Variants in STRN observed in about 807,000 individuals in gnomAD.
STRN encodes the protein striatin, also known as protein phosphatase 2 regulatory subunit B'''alpha.
Under a neutral mutation model 96.3 loss-of-function variants are expected in STRN, and 53 were observed. The observed-to-expected ratio is 0.55, with a 90% CI of 0.44 to 0.69. The LOEUF (loss-of-function observed/expected upper bound fraction) is 0.69, where lower values mean the gene tolerates loss of function less well. Ranked by LOEUF, STRN falls within the 30% of genes least tolerant of loss-of-function variation. The probability of loss-of-function intolerance (pLI) is 0.00; values close to 1 mark genes in which losing one functional copy is unlikely to be tolerated. For synonymous variants in STRN, 428 were observed against 355.9 expected (o/e 1.20, Z -2.28); for missense variants, 987 against 963.9 (o/e 1.02, Z -0.32).
intron 1 of STRN, among the ~76,000 whole-genome samples, chr2:36,961,836 C>T (rs1426925173): frequency 6.6e-6 from 1 of 152,174 alleles, no homozygotes; most frequent in East Asian, 1.9e-4. Flanking sequence ...ATGACTTCTT[C>T]CATTCTCTTC....
chr2:36,929,924 A>T (rs1228911939), intron 1 of STRN, among the ~76,000 whole-genome samples: 4 of 152,240 alleles, frequency 2.6e-5, no homozygotes, highest in African/African-American at 9.6e-5. Flanking sequence ...ATTTGAACAC[A>T]AACTTCAAAG....
At chr2:36,928,385 C>T (rs1572681540) in intron 1 of STRN, among the ~76,000 whole-genome samples, 1 of 152,158 alleles carries the variant, frequency 6.6e-6, no homozygotes, top group East Asian at 1.9e-4. Flanking sequence ...GACACAGTGG[C>T]TCACACCTGT....
chr2:36,963,212 A>C (rs942030085), intron 1 of STRN, among the ~76,000 whole-genome samples: 1 of 152,238 alleles, frequency 6.6e-6, no homozygotes, highest in Non-Finnish European at 1.5e-5. Context: ...CAGTAAAGGC[A>C]GGCCAGGCAG....
At position 36,869,541 on chromosome 2, in the gene STRN, A is replaced by G. The variant is rs563189985; in HGVS notation, c.1499+13T>C. The G allele has an allele frequency of 6.6e-7, 1 of 1,505,444 alleles. No homozygotes were observed. The highest frequency in any genetic ancestry group is 1.3e-5 in the South Asian group (1 of 74,976). 93.3% of individuals were successfully genotyped at this position (1,505,444 alleles called of 1,614,324 possible). ...TAAAATATTCAAATAATGTTAAAGTAGAATATTCTCACTTTTTGGCTGGGG... is the reference window on the plus strand; with the variant it reads ...TAAAATATTCAAATAATGTTAAAGTGGAATATTCTCACTTTTTGGCTGGGG... On this transcript the variant is annotated intron_variant, in intron 11 of 17. Transcript: ENST00000263918.
chr2:36,863,754 G>A (rs2540926), intron 12 of STRN, among the ~76,000 whole-genome samples: 56,234 of 152,046 alleles, frequency 0.37, 11,547 homozygotes, highest in Middle Eastern at 0.5. Context: ...TGGGCAGTAC[G>A]GCCATTTTAA....
At chr2:36,908,505 C>T (rs533212893) in intron 3 of STRN, among the ~76,000 whole-genome samples, 539 of 152,252 alleles carry the variant, frequency 3.5e-3, no homozygotes, top group Non-Finnish European at 6.0e-3. Context: ...GGAAAACAGA[C>T]TACTGGTTGC....
chr2:36,907,752 C>A (rs1669862106), intron 3 of STRN, among the ~76,000 whole-genome samples: 1 of 152,054 alleles, frequency 6.6e-6, no homozygotes, highest in African/African-American at 2.4e-5. Context: ...TCCAGAGCCC[C>A]AGCATTTTCC....
intron 2 of STRN, among the ~76,000 whole-genome samples, chr2:36,920,882 CT>C (rs1472692723): frequency 6.6e-6 from 1 of 151,866 alleles, no homozygotes; most frequent in Non-Finnish European, 1.5e-5. Context: ...CGAGACCATC[CT>C]GGCCAAGATG....
chr2:36,966,088 G>C (rs897344294), intron 1 of STRN, 142 bp downstream of exon 1: 3 of 951,574 alleles, frequency 3.2e-6, no homozygotes, highest in Middle Eastern at 3.5e-4. Context: ...AAGAGAAGAA[G>C]GGGACGGGGC....
intron 1 of STRN, among the ~76,000 whole-genome samples, chr2:36,961,304 G>C (rs1665025714): frequency 6.6e-6 from 1 of 151,290 alleles, no homozygotes. Context: ...TCTGGAGATG[G>C]GGTTTTGCCA....
rs575049884 is a variant in STRN, at chr2:36,924,334, C to G, written c.338+771G>C. 1.2e-4 allele frequency among the ~76,000 whole-genome samples: 15 copies of G among 126,342 alleles called. No homozygotes were observed. In the Admixed American group the frequency reaches 1.4e-3, roughly 12 times the overall value. The allele number at this position is 126,342 out of a possible 152,430, so 82.9% of individuals were successfully genotyped here. A position where few individuals can be genotyped will look rare whatever the true frequency, so the allele number is the denominator to read the frequency against. The stretch of plus-strand genomic sequence containing the variant: ...TTGCACCACTGCACTCCAGCATGGG[C>G]GACAGAGTGAGACTCCGTTTCAAAA... On this transcript the variant is annotated intron_variant, in intron 2 of 17. Coordinates refer to ENST00000263918, the MANE Select transcript of STRN (RefSeq NM_003162.4).
In STRN at chr2:36,920,754, T is replaced by C. The variant is rs1670230810; in HGVS notation, c.338+4351A>G. Among the ~76,000 whole-genome samples, 5 of 151,418 alleles carry C rather than the reference T, an allele frequency of 3.3e-5. No homozygotes were observed. In the South Asian group the frequency reaches 1.0e-3, roughly 32 times the overall value. ...GATTCAGCCAGTTCCTTATCTCTAC[T>C]GTCCTTCAGAGTCAAATTTCCTAAA... On this transcript the variant is annotated intron_variant, in intron 2 of 17. Coordinates refer to ENST00000263918, the MANE Select transcript of STRN (RefSeq NM_003162.4).
chr2:36,850,217 T>C (rs1283242396), intron 16 of STRN, among the ~76,000 whole-genome samples: 2 of 152,124 alleles, frequency 1.3e-5, no homozygotes, highest in Non-Finnish European at 2.9e-5. Flanking sequence ...AAAGAAAACA[T>C]GGCCACAATT....
intron 3 of STRN, among the ~76,000 whole-genome samples, chr2:36,907,892 G>T (rs775753016): frequency 2.6e-5 from 4 of 151,576 alleles, no homozygotes; most frequent in Non-Finnish European, 4.4e-5. Flanking sequence ...ATATACCAAA[G>T]AAACAGACTG....
intron 14 of STRN, among the ~76,000 whole-genome samples, 167 bp downstream of exon 14, chr2:36,857,689 A>G (rs1242704579): frequency 1.3e-5 from 2 of 152,028 alleles, no homozygotes; most frequent in Non-Finnish European, 2.9e-5. Context: ...AAAACAAAAC[A>G]AAACAAAATT....
chr2:36,845,150 A>G lies in STRN; in HGVS notation c.*4306T>C, dbSNP rs377610649. ...TAGCACTCTTTTTCATGTAAGTTCA[A>G]TAATTATTTGGCTATTGGTTGAAAA... On this transcript the variant is annotated 3_prime_UTR_variant, in exon 18 of 18. Transcript: ENST00000263918. 5.9e-5 allele frequency: 9 copies of G among 152,318 alleles called. No homozygotes were observed. The East Asian group carries it at 1.5e-3, about 26-fold the overall frequency. The allele number at this position is 152,318 out of a possible 1,614,324, so 9.4% of individuals were successfully genotyped here.
intron 13 of STRN, among the ~76,000 whole-genome samples, chr2:36,860,751 G>T (rs1276866212): frequency 6.6e-6 from 1 of 152,130 alleles, no homozygotes; most frequent in South Asian, 2.1e-4. Flanking sequence ...TGACCAAGGG[G>T]ATGGCACCAA....
At position 36,849,430 on chromosome 2, in the gene STRN, C is replaced by T; in HGVS notation, c.*26G>A. ...TGTGCAGTTGATTACTTATAAACAGCTAGAAGGTGAAGATGATGCATTGCG... is the reference window on the plus strand; with the variant it reads ...TGTGCAGTTGATTACTTATAAACAGTTAGAAGGTGAAGATGATGCATTGCG... On this transcript the variant is annotated 3_prime_UTR_variant, in exon 18 of 18. Coordinates refer to ENST00000263918, the MANE Select transcript of STRN (RefSeq NM_003162.4). 6.2e-7 allele frequency: 1 copy of T among 1,612,076 alleles called. No individual in the cohort carries two copies. The highest frequency in any genetic ancestry group is 2.2e-5 in the East Asian group (1 of 44,856).
At chr2:36,853,775 A>G (rs757609859) in intron 15 of STRN, among the ~76,000 whole-genome samples, 5 of 152,234 alleles carry the variant, frequency 3.3e-5, no homozygotes, top group African/African-American at 4.8e-5. Flanking sequence ...AAACAGAACA[A>G]CACAATCAAT....
Sources: allele counts gnomAD v4.1 joint callset (sites outside exome capture counted in the v4.1 genomes callset), GRCh38; gene constraint gnomAD v4.1.1; transcripts MANE v1.5; gene names NCBI Gene and HGNC (gene_info 2026-07-23, HGNC 2026-07-21).